Variants in HOXD11 observed in about 807,000 individuals in gnomAD.
HOXD11 encodes homeobox protein Hox-D11.
In HOXD11, 16 loss-of-function variants were observed where a neutral mutation model predicts 23.1. That is an observed-to-expected ratio of 0.69 (90% confidence interval 0.47 to 1.05). HOXD11 has a LOEUF of 1.05. Ranked by LOEUF, HOXD11 falls within the 50% of genes least tolerant of loss-of-function variation. The probability of loss-of-function intolerance (pLI) is 0.00; values close to 1 mark genes in which losing one functional copy is unlikely to be tolerated. For synonymous variants in HOXD11, 262 were observed against 224.4 expected (o/e 1.17, Z -1.50); for missense variants, 564 against 495.6 (o/e 1.14, Z -1.31).
downstream of HOXD11, among the ~76,000 whole-genome samples, chr2:176,112,389 C>T (rs1037550293): frequency 6.6e-6 from 1 of 152,234 alleles, no homozygotes; most frequent in African/African-American, 2.4e-5. Context: ...GATGACTGCC[C>T]CCTTTCCCTC....
chr2:176,111,461 C>G (rs1268617015), downstream of HOXD11: 1 of 151,768 alleles, frequency 6.6e-6, no homozygotes, highest in Non-Finnish European at 1.5e-5. Flanking sequence ...CCTTGTCTGT[C>G]CAACACTGGA....
At chr2:176,111,839 A>AAAAAAAAAC (rs1689678564), downstream of HOXD11, among the ~76,000 whole-genome samples, 1 of 148,052 alleles carries the variant, frequency 6.8e-6, no homozygotes, top group Non-Finnish European at 1.5e-5. Context: ...AAAAAAAAAA[A>AAAAAAAAAC]AAAAAAAAAA....
At chr2:176,112,299 C>A (rs10754985), downstream of HOXD11, among the ~76,000 whole-genome samples, 1 of 152,178 alleles carries the variant, frequency 6.6e-6, no homozygotes, top group South Asian at 2.1e-4. Context: ...AAGCCCCTGA[C>A]CTTGGGGAGG....
Position 176,107,607 on chromosome 2 carries a change from G to A in HOXD11, c.252G>A (p.Ala84=). 1 of 1,248,084 alleles carries A rather than the reference G, an allele frequency of 8.0e-7. No homozygotes were observed. The highest frequency in any genetic ancestry group is 1.0e-6 in the Non-Finnish European group (1 of 983,702). The allele number at this position is 1,248,084 out of a possible 1,614,324, so 77.3% of individuals were successfully genotyped here. A position where few individuals can be genotyped will look rare whatever the true frequency, so the allele number is the denominator to read the frequency against. Residue 84 remains alanine, a synonymous_variant, in exon 1 of 2, where the codon GCG becomes GCA. Coordinates refer to ENST00000249504, the MANE Select transcript of HOXD11 (RefSeq NM_021192.3). The part of the protein sequence containing the change: ...PYRGGGGGGS[A]GGGSSGGGPG... Reference sequence around the variant, plus strand: ...GCGGCGGCGGCGGCGGCGGCAGCGCGGGGGGCGGCAGCAGCGGGGGCGGCC... The same window carrying A: ...GCGGCGGCGGCGGCGGCGGCAGCGCAGGGGGCGGCAGCAGCGGGGGCGGCC...
At chr2:176,113,696 GAC>G (rs1689706870), downstream of HOXD11, among the ~76,000 whole-genome samples, 1 of 151,974 alleles carries the variant, frequency 6.6e-6, no homozygotes, top group South Asian at 2.1e-4. Flanking sequence ...TCAAAATATT[GAC>G]AGTCTCTTGT....
At position 176,108,895 on chromosome 2, in the gene HOXD11, T is replaced by A; in HGVS notation, c.782-12T>A. 1 of 1,602,182 alleles carries A rather than the reference T, an allele frequency of 6.2e-7. No individual in the cohort carries two copies. The highest frequency in any genetic ancestry group is 8.6e-7 in the Non-Finnish European group (1 of 1,169,476). On this transcript the variant is annotated splice_polypyrimidine_tract_variant and intron_variant, in intron 1 of 1. Coordinates refer to ENST00000249504, the MANE Select transcript of HOXD11 (RefSeq NM_021192.3). ...GCGGCCTCTCTCACCCCCTGGTCTCTTTGCCTTGCAGTTGCCCCCCAGCGG... is the reference window on the plus strand; with the variant it reads ...GCGGCCTCTCTCACCCCCTGGTCTCATTGCCTTGCAGTTGCCCCCCAGCGG...
At position 176,109,302 on chromosome 2, in the gene HOXD11, T is replaced by C. The variant is rs1486417660; in HGVS notation, c.*160T>C. The C allele has an allele frequency of 9.7e-6, 6 of 618,140 alleles. No homozygotes were observed. The allele number at this position is 618,140 out of a possible 1,614,324, so 38.3% of individuals were successfully genotyped here. On this transcript the variant is annotated 3_prime_UTR_variant, in exon 2 of 2. Coordinates refer to ENST00000249504, the MANE Select transcript of HOXD11 (RefSeq NM_021192.3). ...CAACTCGGGACCTCCCAGCGACCACTGCAGCCTGCGGACGAGGCCGGGACT... is the reference window on the plus strand; with the variant it reads ...CAACTCGGGACCTCCCAGCGACCACCGCAGCCTGCGGACGAGGCCGGGACT...
chr2:176,111,827 A>C (rs1574950876), downstream of HOXD11, among the ~76,000 whole-genome samples: 2 of 62,486 alleles, frequency 3.2e-5, no homozygotes, highest in East Asian at 6.4e-4. Context: ...TCCCCCCCGC[A>C]AAAAAAAAAA....
rs756352492 is a variant in HOXD11 at position 176,107,343 on chromosome 2, A to C, written c.-13A>C. ...AGCGGCCAGAGGCTCGCTGGCGCGC[A>C]CGCCGCGGAGTCATGAACGACTTTG... On this transcript the variant is annotated 5_prime_UTR_variant, in exon 1 of 2. Coordinates refer to ENST00000249504, the MANE Select transcript of HOXD11 (RefSeq NM_021192.3). The C allele has an allele frequency of 2.6e-5, 40 of 1,564,440 alleles. No individual in the cohort carries two copies. The Admixed American group carries it at 3.8e-4, about 15-fold the overall frequency.
chr2:176,108,168 C>A, intron 1 of HOXD11, 32 bp downstream of exon 1: 3 of 407,756 alleles, frequency 7.4e-6, no homozygotes, highest in South Asian at 9.6e-5. Flanking sequence ...AGCGGTGGGC[C>A]CGGGGGCCGC....
Position 176,107,711 on chromosome 2 carries a change from C to T in HOXD11, c.356C>T (p.Ala119Val). 2 of 1,082,080 alleles carry T rather than the reference C, an allele frequency of 1.8e-6. No homozygotes were observed. Among genetic ancestry groups the T allele is most frequent in the Non-Finnish European group, 2.2e-6 (2 of 895,864 alleles). The allele number at this position is 1,082,080 out of a possible 1,614,324, so 67.0% of individuals were successfully genotyped here. A position where few individuals can be genotyped will look rare whatever the true frequency, so the allele number is the denominator to read the frequency against. Residue 119 changes from alanine (A) to valine (V), a missense_variant, in exon 1 of 2, where the codon GCG becomes GTG. Ala to Val is a moderately conservative substitution (Grantham distance 64). Transcript: ENST00000249504. Reference protein sequence around the residue: ...AAAAAAAAAAAAEEAAMQREL... With the variant: ...AAAAAAAAAAVAEEAAMQREL... ...GCGGCGGCGGCTGCGGCGGCCGCGGCGGCCGAGGAGGCGGCCATGCAACGC... is the reference window on the plus strand; with the variant it reads ...GCGGCGGCGGCTGCGGCGGCCGCGGTGGCCGAGGAGGCGGCCATGCAACGC...
In HOXD11 at chr2:176,107,347, C is replaced by T. The variant is rs1350338567; in HGVS notation, c.-9C>T. The T allele has an allele frequency of 6.4e-7, 1 of 1,573,540 alleles. No homozygotes were observed. Among genetic ancestry groups the T allele is most frequent in the South Asian group, 1.2e-5 (1 of 86,232 alleles). On this transcript the variant is annotated 5_prime_UTR_variant, in exon 1 of 2. Coordinates refer to ENST00000249504, the MANE Select transcript of HOXD11 (RefSeq NM_021192.3). ...GCCAGAGGCTCGCTGGCGCGCACGCCGCGGAGTCATGAACGACTTTGACGA... is the reference window on the plus strand; with the variant it reads ...GCCAGAGGCTCGCTGGCGCGCACGCTGCGGAGTCATGAACGACTTTGACGA...
At position 176,108,902 on chromosome 2, in the gene HOXD11, T is replaced by C. The variant is rs1455445141; in HGVS notation, c.782-5T>C. ...CTCTCACCCCCTGGTCTCTTTGCCT[T>C]GCAGTTGCCCCCCAGCGGTCCCGGA... is the stretch of plus-strand genomic sequence containing the variant. On this transcript the variant is annotated splice_region_variant and splice_polypyrimidine_tract_variant and intron_variant, in intron 1 of 1. Transcript: ENST00000249504. 2 of 1,608,638 alleles carry C rather than the reference T, an allele frequency of 1.2e-6. No homozygotes were observed. Among genetic ancestry groups the C allele is most frequent in the Admixed American group, 1.7e-5 (1 of 59,954 alleles).
In HOXD11 at chr2:176,107,646, C is replaced by CG; in HGVS notation, c.293dup (p.Gly99ArgfsTer47). On this transcript the variant is annotated frameshift_variant, in exon 1 of 2. Transcript: ENST00000249504. LOFTEE classifies it high-confidence loss of function. ...GCGGGGGCGGCCCCGGCGGGGGCGG[C>CG]GGCGGCGCGGGGGGCTACGCTCCCT... The CG allele has an allele frequency of 1.0e-6, 1 of 975,962 alleles. No homozygotes were observed. The highest frequency in any genetic ancestry group is 1.2e-6 in the Non-Finnish European group (1 of 823,548). The allele number at this position is 975,962 out of a possible 1,614,324, so 60.5% of individuals were successfully genotyped here.
the HOXD11 span, among the ~76,000 whole-genome samples, chr2:176,114,928 G>A: frequency 4.6e-5 from 7 of 152,224 alleles, no homozygotes. Context: ...TTAGTTTCTT[G>A]GCTGGCAGGA....
chr2:176,114,234 C>G (rs559308292), downstream of HOXD11, among the ~76,000 whole-genome samples: 1 of 152,338 alleles, frequency 6.6e-6, no homozygotes, highest in East Asian at 1.9e-4. Context: ...AACAAGATCT[C>G]TACTATGTGA....
rs1689588803 is a variant in HOXD11 at position 176,107,282 on chromosome 2, C to T, written c.-74C>T. The T allele has an allele frequency of 1.3e-6, 2 of 1,552,966 alleles. No homozygotes were observed. The highest frequency in any genetic ancestry group is 1.7e-6 in the Non-Finnish European group (2 of 1,148,224). On this transcript the variant is annotated 5_prime_UTR_variant, in exon 1 of 2. Coordinates refer to ENST00000249504, the MANE Select transcript of HOXD11 (RefSeq NM_021192.3). ...GCTTAGTTGATCCTGGCCCAAGCCT[C>T]TTGTGCAATCGATGGCTCAGGTTGG...
Position 176,108,967 on chromosome 2 carries a change from T to G in HOXD11, c.842T>G (p.Leu281Arg), listed in dbSNP as rs1200029370. 1 of 1,614,048 alleles carries G rather than the reference T, an allele frequency of 6.2e-7. No homozygotes were observed. The highest frequency in any genetic ancestry group is 8.5e-7 in the Non-Finnish European group (1 of 1,180,034). ...TATACCAAGTACCAGATCCGCGAAC[T>G]GGAACGCGAGTTTTTCTTTAACGTG... is the stretch of plus-strand genomic sequence containing the variant. ...CPYTKYQIRE[L>R]EREFFFNVYI... Residue 281 changes from leucine to arginine, a missense_variant, in exon 2 of 2, where the codon CTG (leucine) becomes CGG (arginine). Physicochemically the swap from Leu to Arg is moderately radical, Grantham distance 102. Transcript: ENST00000249504.
chr2:176,114,811 G>T, the HOXD11 span, among the ~76,000 whole-genome samples: 1 of 152,224 alleles, frequency 6.6e-6, no homozygotes, highest in Non-Finnish European at 1.5e-5. Flanking sequence ...CAGTCTCTGG[G>T]CCTGAAATCC....
Sources: allele counts gnomAD v4.1 joint callset (sites outside exome capture counted in the v4.1 genomes callset), GRCh38; gene constraint gnomAD v4.1.1; transcripts MANE v1.5; gene names NCBI Gene and HGNC (gene_info 2026-07-23, HGNC 2026-07-21).